CDKAL1: variants seen among roughly 807,000 people sequenced by gnomAD.
The protein encoded by CDKAL1 is threonylcarbamoyladenosine tRNA methylthiotransferase.
A neutral mutation model predicts 68.2 loss-of-function variants in CDKAL1; 32 were observed. The ratio of observed to expected loss-of-function variants is 0.47; its 90% CI spans 0.35 to 0.63. The LOEUF (loss-of-function observed/expected upper bound fraction) is 0.63, where lower values mean the gene tolerates loss of function less well. CDKAL1 is among the 30% of genes least tolerant of loss of function. CDKAL1 has a pLI of 0.00. For synonymous variants in CDKAL1, 234 were observed against 244.3 expected, an observed-to-expected ratio of 0.96 and a Z score of 0.39; for missense variants, 606 against 696.7, an observed-to-expected ratio of 0.87 and a Z score of 1.47.
intron 11 of CDKAL1, among the ~76,000 whole-genome samples, chr6:21,019,736 A>C (rs1177833135): frequency 6.6e-6 from 1 of 152,228 alleles, no homozygotes; most frequent in African/African-American, 2.4e-5. Flanking sequence ...TATAGGAATC[A>C]TCATACAGCA....
chr6:21,081,989 G>C (rs1010897619), intron 12 of CDKAL1, among the ~76,000 whole-genome samples: 28 of 144,264 alleles, frequency 1.9e-4, no homozygotes, highest in Admixed American at 5.3e-4. Context: ...CCAAGTATAA[G>C]AGCTATGTAT....
chr6:20,917,936 A>T (rs946585143), intron 9 of CDKAL1, among the ~76,000 whole-genome samples: 1 of 152,296 alleles, frequency 6.6e-6, no homozygotes, highest in Admixed American at 6.5e-5. Flanking sequence ...AAAGGGGCCT[A>T]AGACTCTACT....
intron 5 of CDKAL1, among the ~76,000 whole-genome samples, chr6:20,723,243 C>T (rs1478308378): frequency 6.6e-6 from 1 of 152,212 alleles, no homozygotes; most frequent in Non-Finnish European, 1.5e-5. Context: ...CACCTGGATG[C>T]CACCTCAAGG....
At chr6:20,992,916 AAAG>A (rs1766914104) in intron 10 of CDKAL1, among the ~76,000 whole-genome samples, 1 of 151,742 alleles carries the variant, frequency 6.6e-6, no homozygotes, top group Non-Finnish European at 1.5e-5. Context: ...AAAAAAAAAA[AAAG>A]AAATAAATCC....
At chr6:20,814,982 G>T (rs1042329839) in intron 8 of CDKAL1, among the ~76,000 whole-genome samples, 1 of 152,164 alleles carries the variant, frequency 6.6e-6, no homozygotes, top group Non-Finnish European at 1.5e-5. Flanking sequence ...CACCATGTTG[G>T]AGAATCTGTG....
At chr6:20,832,492 A>T (rs887513521) in intron 8 of CDKAL1, among the ~76,000 whole-genome samples, 2 of 151,822 alleles carry the variant, frequency 1.3e-5, no homozygotes, top group Non-Finnish European at 2.9e-5. Flanking sequence ...AAAAAACAAA[A>T]CACGTGAAAA....
At chr6:20,662,046 T>A (rs1769307189) in intron 5 of CDKAL1, among the ~76,000 whole-genome samples, 1 of 152,150 alleles carries the variant, frequency 6.6e-6, no homozygotes, top group African/African-American at 2.4e-5. Flanking sequence ...TGAAAGACAT[T>A]CTACTTATTC....
intron 13 of CDKAL1, among the ~76,000 whole-genome samples, chr6:21,181,723 T>C (rs1777797115): frequency 2.0e-5 from 3 of 152,218 alleles, no homozygotes; most frequent in Non-Finnish European, 4.4e-5. Flanking sequence ...GGTCTGTATT[T>C]TATATGTTGT....
intron 8 of CDKAL1, among the ~76,000 whole-genome samples, chr6:20,791,580 A>G (rs915749244): frequency 1.3e-5 from 2 of 152,322 alleles, no homozygotes; most frequent in Admixed American, 6.5e-5. Context: ...TCTGAGAAAC[A>G]TGCCGTACGC....
intron 12 of CDKAL1, among the ~76,000 whole-genome samples, chr6:21,079,969 T>G (rs1024676805): frequency 1.5e-4 from 22 of 143,578 alleles, no homozygotes; most frequent in African/African-American, 5.7e-4. Flanking sequence ...GCTTATCAAC[T>G]TTGTCTCTGT....
chr6:21,101,617 A>C (rs1345130422), intron 12 of CDKAL1, among the ~76,000 whole-genome samples: 1 of 152,134 alleles, frequency 6.6e-6, no homozygotes, highest in African/African-American at 2.4e-5. Context: ...TATGCTCATG[A>C]GTCCCAAGTC....
chr6:21,057,037 A>G (rs1770874157), intron 11 of CDKAL1, among the ~76,000 whole-genome samples: 1 of 152,322 alleles, frequency 6.6e-6, no homozygotes, highest in African/African-American at 2.4e-5. Context: ...CTGGCCTCAT[A>G]AAATGAGTTA....
At chr6:20,537,579 C>T (rs1763224116) in intron 2 of CDKAL1, among the ~76,000 whole-genome samples, 1 of 150,078 alleles carries the variant, frequency 6.7e-6, no homozygotes, top group African/African-American at 2.5e-5. Flanking sequence ...GCACTCCAGC[C>T]TGGGCAGCAA....
intron 13 of CDKAL1, among the ~76,000 whole-genome samples, chr6:21,192,110 T>C (rs1778276257): frequency 7.7e-6 from 1 of 130,382 alleles, no homozygotes; most frequent in South Asian, 2.8e-4. Context: ...CAAGCTCCGC[T>C]TCCCGGGTTC....
rs764266426 is a variant in CDKAL1 at position 21,079,976 on chromosome 6, CTGTGTGTGTGTG to C, written c.1236+14770_1236+14781del. Among the ~76,000 whole-genome samples the C allele has an allele frequency of 8.5e-4, 116 of 135,842 alleles. 1 individual carries two copies. The highest frequency in any genetic ancestry group is 3.0e-3 in the African/African-American group (110 of 36,076). 89.1% of individuals were successfully genotyped at this position (135,842 alleles called of 152,430 possible). A position where few individuals can be genotyped will look rare whatever the true frequency, so the allele number is the denominator to read the frequency against. The stretch of plus-strand genomic sequence containing the variant: ...TAAGATAAGCTTATCAACTTTGTCT[CTGTGTGTGTGTG>C]TGTGTGTGTGTGTGTGTGTGTTTGA... On this transcript the variant is annotated intron_variant, in intron 12 of 15. Coordinates refer to ENST00000274695, the MANE Select transcript of CDKAL1 (RefSeq NM_017774.3).
intron 4 of CDKAL1, among the ~76,000 whole-genome samples, chr6:20,573,175 G>A (rs556476262): frequency 5.3e-5 from 8 of 152,082 alleles, no homozygotes; most frequent in Non-Finnish European, 1.2e-4. Flanking sequence ...AAGTATCTGA[G>A]ATCTGTTTTT....
At chr6:20,608,220 C>G (rs186465247) in intron 4 of CDKAL1, among the ~76,000 whole-genome samples, 63 of 152,020 alleles carry the variant, frequency 4.1e-4, no homozygotes, top group African/African-American at 1.4e-3. Flanking sequence ...AGTTTTTGAA[C>G]TAATAAAAAT....
chr6:20,658,985 G>GTTA (rs532566610), intron 5 of CDKAL1, among the ~76,000 whole-genome samples: 2,236 of 151,590 alleles, frequency 0.015, 42 homozygotes, highest in African/African-American at 0.051. Context: ...CAGCCAATCT[G>GTTA]TTATTATTAT....
At chr6:20,935,817 C>T (rs10946419) in intron 9 of CDKAL1, among the ~76,000 whole-genome samples, 3 of 151,972 alleles carry the variant, frequency 2.0e-5, no homozygotes, top group African/African-American at 7.2e-5. Context: ...CGATCCTCCC[C>T]CTTTGGCCTC....
Sources: gnomAD v4.1 joint callset for allele counts (sites outside exome capture counted in the v4.1 genomes callset) on GRCh38, gnomAD v4.1.1 for gene constraint, MANE v1.5 for transcripts, NCBI Gene and HGNC (gene_info 2026-07-23, HGNC 2026-07-21) for gene names.